The following LSAMP variants were observed in gnomAD, a reference collection of about 807,000 sequenced individuals.
The protein encoded by LSAMP is limbic system-associated membrane protein.
In LSAMP, 7 loss-of-function variants were observed where a neutral mutation model predicts 38.6. That is an observed-to-expected ratio of 0.18 (90% CI 0.10 to 0.34). LSAMP has a LOEUF of 0.34. LSAMP is among the 10% of genes least tolerant of loss of function. LSAMP has a pLI of 1.00. For synonymous variants in LSAMP, 154 were observed against 166.8 expected (o/e 0.92, Z 0.59); for missense variants, 313 against 420.0 (o/e 0.75, Z 2.23).
At chr3:116,164,893 C>T (rs973588915) in intron 1 of LSAMP, among the ~76,000 whole-genome samples, 7 of 150,582 alleles carry the variant, frequency 4.6e-5, no homozygotes, top group African/African-American at 9.8e-5. Flanking sequence ...CAGCAAGAGG[C>T]TTCCTATAGG....
intron 1 of LSAMP, among the ~76,000 whole-genome samples, chr3:116,444,666 T>A (rs2049480950): frequency 6.6e-6 from 1 of 151,120 alleles, no homozygotes; most frequent in Non-Finnish European, 1.5e-5. Context: ...GGGACCAGAA[T>A]TCCCTTGAAT....
chr3:116,143,734 T>C (rs2107518479), intron 1 of LSAMP, among the ~76,000 whole-genome samples: 1 of 152,072 alleles, frequency 6.6e-6, no homozygotes, highest in East Asian at 1.9e-4. Context: ...AAAAAGTAGC[T>C]TCTGAATTTG....
At chr3:115,972,789 T>A (rs1939059311) in intron 3 of LSAMP, among the ~76,000 whole-genome samples, 1 of 150,906 alleles carries the variant, frequency 6.6e-6, no homozygotes, top group African/African-American at 2.4e-5. Flanking sequence ...TAGAAAATAA[T>A]AGATATGTGA....
chr3:116,113,961 TG>T (rs1271101327), intron 1 of LSAMP, among the ~76,000 whole-genome samples: 1 of 152,188 alleles, frequency 6.6e-6, no homozygotes, highest in African/African-American at 2.4e-5. Flanking sequence ...CATGATTTAC[TG>T]AATTTAACTT....
Position 116,272,050 on chromosome 3 carries a change from G to A in LSAMP, c.155+172827C>T, listed in dbSNP as rs899586744. Reference sequence around the variant, plus strand: ...GATAAAAGAGATGGATGTAAAGATGGAAGGAATTCTCAAAGCCCTTTTTAT... The same window carrying A: ...GATAAAAGAGATGGATGTAAAGATGAAAGGAATTCTCAAAGCCCTTTTTAT... On this transcript the variant is annotated intron_variant, in intron 1 of 6. Coordinates refer to ENST00000490035, the MANE Select transcript of LSAMP (RefSeq NM_002338.5). Among the ~76,000 whole-genome samples, 29 of 152,100 alleles carry A rather than the reference G, an allele frequency of 1.9e-4. No homozygotes were observed. In the East Asian group the frequency reaches 5.6e-3, roughly 29 times the overall value.
chr3:116,359,538 A>C (rs192352844), intron 1 of LSAMP, among the ~76,000 whole-genome samples: 8 of 152,334 alleles, frequency 5.3e-5, no homozygotes, highest in African/African-American at 1.9e-4. Context: ...ATTACCCTGG[A>C]CAACAACCTG....
intron 1 of LSAMP, among the ~76,000 whole-genome samples, chr3:116,145,335 G>A (rs1709467034): frequency 6.6e-6 from 1 of 151,030 alleles, no homozygotes; most frequent in South Asian, 2.1e-4. Flanking sequence ...TATATGGAAA[G>A]AGAGAGAGAG....
At chr3:116,114,421 T>C (rs971692764) in intron 1 of LSAMP, among the ~76,000 whole-genome samples, 2 of 152,170 alleles carry the variant, frequency 1.3e-5, no homozygotes, top group South Asian at 2.1e-4. Flanking sequence ...AAGTTTTTAT[T>C]CTTATTTGTG....
chr3:115,984,166 G>A (rs1210478434), intron 3 of LSAMP, among the ~76,000 whole-genome samples: 2 of 152,068 alleles, frequency 1.3e-5, no homozygotes, highest in African/African-American at 4.8e-5. Context: ...TAAATAGGAA[G>A]AGTCTGGGAT....
At chr3:116,325,063 A>C (rs2047752048) in intron 1 of LSAMP, among the ~76,000 whole-genome samples, 1 of 151,048 alleles carries the variant, frequency 6.6e-6, no homozygotes, top group Non-Finnish European at 1.5e-5. Flanking sequence ...AATCCAGATG[A>C]CTCTGTTTCC....
At chr3:116,326,331 C>T (rs1339209674) in intron 1 of LSAMP, among the ~76,000 whole-genome samples, 4 of 152,028 alleles carry the variant, frequency 2.6e-5, no homozygotes, top group Non-Finnish European at 5.9e-5. Context: ...AATTGTTTTT[C>T]CTGGCTATTT....
chr3:116,412,262 G>A (rs540370710), intron 1 of LSAMP, among the ~76,000 whole-genome samples: 1 of 152,066 alleles, frequency 6.6e-6, no homozygotes, highest in African/African-American at 2.4e-5. Context: ...GAACAGAAAG[G>A]CAAAGCAATA....
At chr3:115,921,588 C>T (rs903469765) in intron 3 of LSAMP, among the ~76,000 whole-genome samples, 1 of 151,994 alleles carries the variant, frequency 6.6e-6, no homozygotes, top group African/African-American at 2.4e-5. Context: ...TATGTACTGC[C>T]ATTGCAGTAT....
At chr3:116,055,760 T>C (rs1007538422) in intron 2 of LSAMP, among the ~76,000 whole-genome samples, 2 of 152,200 alleles carry the variant, frequency 1.3e-5, no homozygotes, top group Non-Finnish European at 2.9e-5. Flanking sequence ...TGACAGTGAA[T>C]TCCATATGCT....
At chr3:116,115,418 G>A (rs749351046) in intron 1 of LSAMP, among the ~76,000 whole-genome samples, 4 of 152,190 alleles carry the variant, frequency 2.6e-5, no homozygotes, top group Non-Finnish European at 1.5e-5. Context: ...GTCAATAAAT[G>A]GTAGCACTGA....
chr3:116,074,604 C>T (rs1048759834), intron 2 of LSAMP, among the ~76,000 whole-genome samples: 7 of 152,102 alleles, frequency 4.6e-5, no homozygotes, highest in South Asian at 2.1e-4. Context: ...TTTACACTCT[C>T]AACAGGGAGA....
At chr3:116,135,576 C>T (rs1019205147) in intron 1 of LSAMP, among the ~76,000 whole-genome samples, 8 of 152,264 alleles carry the variant, frequency 5.3e-5, no homozygotes, top group African/African-American at 1.7e-4. Context: ...AAGCTGGGTG[C>T]AGCCCTACTG....
intron 1 of LSAMP, among the ~76,000 whole-genome samples, chr3:116,348,946 T>G (rs550706149): frequency 1.6e-4 from 25 of 152,194 alleles, no homozygotes; most frequent in Admixed American, 3.9e-4. Context: ...GTAATCTGTA[T>G]AATTTTTAGG....
In LSAMP at chr3:116,388,411, T is replaced by C. The variant is rs139734742; in HGVS notation, c.155+56466A>G. On this transcript the variant is annotated intron_variant, in intron 1 of 6. Transcript: ENST00000490035. ...TGCTCAATTTACACCCAGAGCTGCC[T>C]CTATCACTCAAAGGCACATTACTCT... Among the ~76,000 whole-genome samples, 687 of 152,306 alleles carry C rather than the reference T, an allele frequency of 4.5e-3. 8 individuals carry two copies. Among genetic ancestry groups the C allele is most frequent in the African/African-American group, 0.016 (653 of 41,538 alleles).
Sources: gnomAD v4.1 joint callset for allele counts (sites outside exome capture counted in the v4.1 genomes callset) on GRCh38, gnomAD v4.1.1 for gene constraint, MANE v1.5 for transcripts, NCBI Gene and HGNC (gene_info 2026-07-23, HGNC 2026-07-21) for gene names.